Variants in KIAA0825 observed in about 807,000 individuals in gnomAD.
The protein encoded by KIAA0825 is KIAA0825, also known as uncharacterized protein KIAA0825.
A neutral mutation model predicts 147.6 loss-of-function variants in KIAA0825; 119 were observed. The observed-to-expected ratio is 0.81, with a 90% CI of 0.69 to 0.94. The LOEUF (loss-of-function observed/expected upper bound fraction) is 0.94, where lower values mean the gene tolerates loss of function less well. Among genes scored for constraint, KIAA0825 ranks in the 40% least tolerant of loss-of-function variants. The pLI, the probability that KIAA0825 is intolerant of heterozygous loss-of-function variation, is 0.00. For missense variants in KIAA0825, 1,381 were observed against 1,472.7 expected (o/e 0.94, Z 1.02); for synonymous variants, 470 against 518.1 (o/e 0.91, Z 1.26).
intron 20 of KIAA0825, among the ~76,000 whole-genome samples, chr5:94,314,750 C>T (rs1461518492): frequency 2.6e-5 from 4 of 151,424 alleles, no homozygotes. Context: ...GTGTAGGAGG[C>T]CTACTACTTT....
chr5:94,412,054 T>G (rs1660625624), intron 15 of KIAA0825, among the ~76,000 whole-genome samples: 1 of 152,122 alleles, frequency 6.6e-6, no homozygotes, highest in Admixed American at 6.5e-5. Flanking sequence ...GGAGGAAATT[T>G]TATCAATATA....
intron 20 of KIAA0825, among the ~76,000 whole-genome samples, chr5:94,298,634 T>C (rs1778249896): frequency 6.6e-6 from 1 of 152,224 alleles, no homozygotes; most frequent in Non-Finnish European, 1.5e-5. Context: ...TTTTTCTTTT[T>C]CCCCTCCTTT....
intron 12 of KIAA0825, among the ~76,000 whole-genome samples, chr5:94,456,457 C>T (rs1434124059): frequency 6.6e-6 from 1 of 152,142 alleles, no homozygotes; most frequent in Non-Finnish European, 1.5e-5. Flanking sequence ...TTAACTCTAC[C>T]TCCAATCCCT....
chr5:94,331,126 C>T (rs1211018515), intron 20 of KIAA0825, among the ~76,000 whole-genome samples: 5 of 143,886 alleles, frequency 3.5e-5, no homozygotes, highest in Non-Finnish European at 7.5e-5. Context: ...AAGAGTGAGA[C>T]TCTGTCTCAA....
intron 5 of KIAA0825, among the ~76,000 whole-genome samples, chr5:94,518,588 C>T (rs1353808266): frequency 6.6e-6 from 1 of 152,038 alleles, no homozygotes; most frequent in Non-Finnish European, 1.5e-5. Context: ...ATGATCAGGG[C>T]AAGTTAATCT....
At chr5:94,538,208 TAAG>T (rs1772490978) in intron 2 of KIAA0825, among the ~76,000 whole-genome samples, 1 of 152,150 alleles carries the variant, frequency 6.6e-6, no homozygotes, top group Non-Finnish European at 1.5e-5. Context: ...AGAAGTGCTA[TAAG>T]AACAAGTAAA....
intron 2 of KIAA0825, among the ~76,000 whole-genome samples, chr5:94,544,141 C>T (rs562583204): frequency 1.6e-4 from 24 of 152,252 alleles, no homozygotes; most frequent in African/African-American, 4.6e-4. Context: ...TTTCCTGTAA[C>T]GGAATAATTT....
At chr5:94,463,090 G>C (rs1193390845) in intron 11 of KIAA0825, among the ~76,000 whole-genome samples, 1 of 151,766 alleles carries the variant, frequency 6.6e-6, no homozygotes, top group Non-Finnish European at 1.5e-5. Context: ...GAAGCCTATA[G>C]TTTCAGAAAT....
chr5:94,532,100 TC>T, intron 3 of KIAA0825, among the ~76,000 whole-genome samples: 1 of 152,302 alleles, frequency 6.6e-6, no homozygotes, highest in South Asian at 2.1e-4. Flanking sequence ...GTTAAATGTC[TC>T]CCCTCTCCCT....
intron 20 of KIAA0825, among the ~76,000 whole-genome samples, chr5:94,217,418 G>A: frequency 6.6e-6 from 1 of 152,152 alleles, no homozygotes; most frequent in South Asian, 2.1e-4. Context: ...AAGCCACGAA[G>A]ACTGAGGTTA....
intron 20 of KIAA0825, among the ~76,000 whole-genome samples, chr5:94,201,616 G>T (rs780130726): frequency 6.3e-5 from 9 of 143,372 alleles, no homozygotes; most frequent in East Asian, 6.1e-4. Context: ...TGGTTTTTTG[G>T]TTTTTTTTTT....
At chr5:94,420,909 C>T (rs1030670850) in intron 14 of KIAA0825, among the ~76,000 whole-genome samples, 1 of 150,330 alleles carries the variant, frequency 6.7e-6, no homozygotes, top group Non-Finnish European at 1.5e-5. Flanking sequence ...CACATAATTA[C>T]CTGCTAGTCA....
chr5:94,406,754 T>TA (rs1752120884), intron 15 of KIAA0825, among the ~76,000 whole-genome samples: 1 of 152,232 alleles, frequency 6.6e-6, no homozygotes, highest in Non-Finnish European at 1.5e-5. Flanking sequence ...CAAGTTCTAC[T>TA]ATGGCCTTGA....
rs1267616608 is a variant in KIAA0825, at chr5:94,533,048, G to A, written c.131+3948C>T. Among the ~76,000 whole-genome samples the A allele has an allele frequency of 8.1e-5, 12 of 148,590 alleles. 1 individual carries two copies. The highest frequency in any genetic ancestry group is 1.5e-4 in the African/African-American group (6 of 40,094). ...GGCTGGAGTGCAGTGACACTATCTC[G>A]GCTCACTGCAAGCTCTGCCTCCCGG... On this transcript the variant is annotated intron_variant, in intron 3 of 20. Coordinates refer to ENST00000682413, the MANE Select transcript of KIAA0825 (RefSeq NM_001145678.3).
chr5:94,172,588 A>T (rs536892142), intron 20 of KIAA0825, among the ~76,000 whole-genome samples: 2 of 152,172 alleles, frequency 1.3e-5, no homozygotes, highest in African/African-American at 4.8e-5. Context: ...AAAATGACCC[A>T]CAGTTTTGTC....
intron 20 of KIAA0825, among the ~76,000 whole-genome samples, chr5:94,277,351 T>A (rs1777267150): frequency 6.6e-6 from 1 of 152,004 alleles, no homozygotes; most frequent in South Asian, 2.1e-4. Context: ...ATTTTTGCAA[T>A]CTATCCATCT....
chr5:94,391,401 T>C, intron 18 of KIAA0825, 134 bp downstream of exon 18: 1 of 793,524 alleles, frequency 1.3e-6, no homozygotes, highest in South Asian at 1.8e-5. Flanking sequence ...ATAGATTCTA[T>C]TAATAATGCA....
At chr5:94,284,305 G>A (rs901839430) in intron 20 of KIAA0825, among the ~76,000 whole-genome samples, 1 of 152,030 alleles carries the variant, frequency 6.6e-6, no homozygotes, top group African/African-American at 2.4e-5. Flanking sequence ...TGTATATGAA[G>A]TGGGTGGTAT....
chr5:94,585,686 G>A (rs193144537), intron 1 of KIAA0825, among the ~76,000 whole-genome samples: 9 of 152,094 alleles, frequency 5.9e-5, no homozygotes, highest in African/African-American at 1.7e-4. Flanking sequence ...TGGACCAACC[G>A]GGCTTAATAG....
Sources: allele counts gnomAD v4.1 joint callset (sites outside exome capture counted in the v4.1 genomes callset), GRCh38; gene constraint gnomAD v4.1.1; transcripts MANE v1.5; gene names NCBI Gene and HGNC (gene_info 2026-07-23, HGNC 2026-07-21).